The following HPSE2 variants were observed in gnomAD, a reference collection of about 807,000 sequenced individuals.
HPSE2 encodes the protein inactive heparanase-2.
Under a neutral mutation model 60.5 loss-of-function variants are expected in HPSE2, and 38 were observed. The ratio of observed to expected loss-of-function variants is 0.63; its 90% CI spans 0.48 to 0.82. The LOEUF is 0.82. Among genes scored for constraint, HPSE2 ranks in the 40% least tolerant of loss-of-function variants. HPSE2 has a pLI of 0.00. For synonymous variants in HPSE2, 295 were observed against 293.2 expected (o/e 1.01, Z -0.06); for missense variants, 713 against 740.4 (o/e 0.96, Z 0.43).
intron 1 of HPSE2, 28 bp from the exon 2 acceptor site, chr10:99,232,533 A>G: frequency 6.5e-7 from 1 of 1,549,804 alleles, no homozygotes; most frequent in Non-Finnish European, 8.7e-7. Flanking sequence ...AAGAGAGGAA[A>G]GGTTCCCAGG....
At chr10:98,567,136 A>C (rs1004677390) in intron 9 of HPSE2, among the ~76,000 whole-genome samples, 3 of 152,128 alleles carry the variant, frequency 2.0e-5, no homozygotes, top group Admixed American at 2.0e-4. Context: ...ATTTTTTATA[A>C]GCTTCCCCAC....
chr10:98,989,390 G>T (rs369821084), intron 3 of HPSE2, among the ~76,000 whole-genome samples: 2 of 151,278 alleles, frequency 1.3e-5, no homozygotes, highest in African/African-American at 4.9e-5. Context: ...GCAAACTATC[G>T]CAAGGACAAA....
In HPSE2 at chr10:98,794,873, A is replaced by C. The variant is rs117293889; in HGVS notation, c.611-50817T>G. 9.6e-4 allele frequency among the ~76,000 whole-genome samples: 146 copies of C among 152,114 alleles called. 2 individuals carry two copies. The East Asian group carries it at 0.026, about 27-fold the overall frequency. On this transcript the variant is annotated intron_variant, in intron 3 of 11. Coordinates refer to ENST00000370552, the MANE Select transcript of HPSE2 (RefSeq NM_021828.5). ...ATTGCAAAAATATAATGTTAATTGTAAAACTAGAAATATAATTAGGCAAAT... is the reference window on the plus strand; with the variant it reads ...ATTGCAAAAATATAATGTTAATTGTCAAACTAGAAATATAATTAGGCAAAT...
intron 3 of HPSE2, among the ~76,000 whole-genome samples, chr10:98,969,455 A>G (rs1231641541): frequency 2.0e-5 from 3 of 152,170 alleles, no homozygotes; most frequent in African/African-American, 4.8e-5. Flanking sequence ...GACTTCCCCT[A>G]CGCAATAGGA....
chr10:99,280,501 C>T, the HPSE2 span, among the ~76,000 whole-genome samples: 1 of 152,160 alleles, frequency 6.6e-6, no homozygotes, highest in African/African-American at 2.4e-5. Flanking sequence ...ATGATTACTT[C>T]AACTTCCCTT....
chr10:98,511,562 G>GTGTGTGTGTC (rs1942400237), intron 9 of HPSE2, among the ~76,000 whole-genome samples: 2 of 53,972 alleles, frequency 3.7e-5, no homozygotes, highest in Admixed American at 3.5e-4. Flanking sequence ...TATGGTGTGT[G>GTGTGTGTGTC]TGTGTGTGTG....
At chr10:99,228,912 G>A (rs538520913) in intron 2 of HPSE2, among the ~76,000 whole-genome samples, 36 of 151,964 alleles carry the variant, frequency 2.4e-4, no homozygotes, top group African/African-American at 8.5e-4. Flanking sequence ...AGTGGCTCAT[G>A]TCTGTAATCC....
At chr10:98,861,288 T>C (rs1290343662) in intron 3 of HPSE2, among the ~76,000 whole-genome samples, 1 of 152,220 alleles carries the variant, frequency 6.6e-6, no homozygotes, top group Non-Finnish European at 1.5e-5. Flanking sequence ...CCAACATTCA[T>C]CTCTCTTTGG....
At chr10:99,296,508 G>C in the HPSE2 span, among the ~76,000 whole-genome samples, 3 of 152,348 alleles carry the variant, frequency 2.0e-5, no homozygotes, top group Admixed American at 2.0e-4. Context: ...CTGCAAAACT[G>C]CCCTGAGCTG....
the HPSE2 span, among the ~76,000 whole-genome samples, chr10:99,296,832 G>A: frequency 0.86 from 130,131 of 152,192 alleles, 55,988 homozygotes; most frequent in African/African-American, 0.92. Context: ...CTGGCCAGGC[G>A]GCAGTCAGAG....
the HPSE2 span, among the ~76,000 whole-genome samples, chr10:99,305,972 C>T: frequency 2.1e-4 from 26 of 126,108 alleles, no homozygotes; most frequent in East Asian, 8.1e-4. Context: ...CGCGCGCGCG[C>T]GCGCGCGCAC....
Position 98,770,051 on chromosome 10 carries a change from C to A in HPSE2, c.611-25995G>T, listed in dbSNP as rs142100337. ...AAACCACTGAAATAGTAATAGGGCA[C>A]GCACTTGGTGACATATCTCAAAGTT... is the stretch of plus-strand genomic sequence containing the variant. On this transcript the variant is annotated intron_variant, in intron 3 of 11. Coordinates refer to ENST00000370552, the MANE Select transcript of HPSE2 (RefSeq NM_021828.5). 2.8e-3 allele frequency among the ~76,000 whole-genome samples: 429 copies of A among 152,242 alleles called. 4 individuals are homozygous for A. Among genetic ancestry groups the A allele is most frequent in the African/African-American group, 9.8e-3 (408 of 41,544 alleles).
intron 1 of HPSE2, among the ~76,000 whole-genome samples, chr10:99,233,455 C>T (rs901949149): frequency 6.6e-6 from 1 of 152,166 alleles, no homozygotes; most frequent in African/African-American, 2.4e-5. Context: ...TATTTAAGGT[C>T]AGGATTTCCA....
chr10:99,217,849 G>C (rs939663993), intron 2 of HPSE2, among the ~76,000 whole-genome samples: 2 of 152,018 alleles, frequency 1.3e-5, no homozygotes, highest in Non-Finnish European at 2.9e-5. Flanking sequence ...GCCTCACAAC[G>C]TTTTGGGACT....
chr10:98,889,941 ACTCTTTACAAG>A (rs1383530945), intron 3 of HPSE2, among the ~76,000 whole-genome samples: 1 of 152,130 alleles, frequency 6.6e-6, no homozygotes, highest in Non-Finnish European at 1.5e-5. Context: ...AATTAGTATA[ACTCTTTACAAG>A]GAAAATTTGG....
intron 11 of HPSE2, among the ~76,000 whole-genome samples, chr10:98,469,812 C>T (rs1175709557): frequency 6.6e-6 from 1 of 152,224 alleles, no homozygotes; most frequent in Non-Finnish European, 1.5e-5. Flanking sequence ...GTTGCCTTTC[C>T]TACAGCCTTT....
the HPSE2 span, among the ~76,000 whole-genome samples, chr10:99,297,742 C>T: frequency 6.6e-6 from 1 of 152,174 alleles, no homozygotes; most frequent in South Asian, 2.1e-4. Flanking sequence ...CTGCTGGCCA[C>T]CCCCTGGGTG....
At position 98,700,886 on chromosome 10, in the gene HPSE2, A is replaced by G. The variant is rs1265687687; in HGVS notation, c.957-6939T>C. ...TTCATGCAGCCAAAAAACACATGAA[A>G]AAATGCTCACCATCACTGGCCATCA... On this transcript the variant is annotated intron_variant, in intron 5 of 11. Coordinates refer to ENST00000370552, the MANE Select transcript of HPSE2 (RefSeq NM_021828.5). 3.0e-5 allele frequency among the ~76,000 whole-genome samples: 2 copies of G among 66,856 alleles called. 1 individual carries two copies. Among genetic ancestry groups the G allele is most frequent in the Non-Finnish European group, 8.4e-5 (2 of 23,926 alleles). The allele number at this position is 66,856 out of a possible 152,430, so 43.9% of individuals were successfully genotyped here. A position where few individuals can be genotyped will look rare whatever the true frequency, so the allele number is the denominator to read the frequency against.
chr10:99,209,445 A>G (rs1848877610), intron 2 of HPSE2, among the ~76,000 whole-genome samples: 1 of 152,214 alleles, frequency 6.6e-6, no homozygotes, highest in Non-Finnish European at 1.5e-5. Flanking sequence ...TAAGACAAAT[A>G]AAAATGGAAC....
Sources: allele counts gnomAD v4.1 joint callset (sites outside exome capture counted in the v4.1 genomes callset), GRCh38; gene constraint gnomAD v4.1.1; transcripts MANE v1.5; gene names NCBI Gene and HGNC (gene_info 2026-07-23, HGNC 2026-07-21).